The following IMPG1 variants were observed in gnomAD, a reference collection of about 807,000 sequenced individuals.
The protein encoded by IMPG1 is interphotoreceptor matrix proteoglycan of 150 kDa.
In IMPG1, 85 loss-of-function variants were observed where a neutral mutation model predicts 92.0. That is an observed-to-expected ratio of 0.92 (90% CI 0.78 to 1.11). IMPG1 has a LOEUF of 1.11. IMPG1 is among the 50% of genes least tolerant of loss of function. The pLI is 0.00. For synonymous variants in IMPG1, 367 were observed against 334.1 expected (o/e 1.10, Z -1.08); for missense variants, 1,022 against 956.0 (o/e 1.07, Z -0.91).
intron 5 of IMPG1, 79 bp downstream of exon 5, chr6:76,025,115 G>T: frequency 1.2e-6 from 1 of 818,452 alleles, no homozygotes; most frequent in Non-Finnish European, 2.1e-6. Flanking sequence ...TCTTTAATTA[G>T]GAATTGTTTT....
intron 13 of IMPG1, among the ~76,000 whole-genome samples, chr6:75,949,715 C>A (rs1781991551): frequency 1.3e-5 from 2 of 152,150 alleles, no homozygotes; most frequent in African/African-American, 4.8e-5. Context: ...CTCCCAATAT[C>A]TACTCACCTC....
chr6:76,056,538 G>T (rs903548679), intron 1 of IMPG1, among the ~76,000 whole-genome samples: 3 of 152,054 alleles, frequency 2.0e-5, no homozygotes, highest in Non-Finnish European at 4.4e-5. Flanking sequence ...CATTTTTTGG[G>T]CATGCACCCA....
intron 12 of IMPG1, among the ~76,000 whole-genome samples, chr6:75,989,929 T>C (rs887165040): frequency 6.6e-6 from 1 of 152,216 alleles, no homozygotes; most frequent in Non-Finnish European, 1.5e-5. Flanking sequence ...AGAGATAGAA[T>C]GTTAATTAGC....
At chr6:76,037,399 C>G (rs1020191871) in intron 2 of IMPG1, among the ~76,000 whole-genome samples, 1 of 152,170 alleles carries the variant, frequency 6.6e-6, no homozygotes, top group Admixed American at 6.5e-5. Flanking sequence ...GTTTCTCACA[C>G]TGGGGGAAAT....
At chr6:76,026,140 T>G (rs770668052) in intron 4 of IMPG1, among the ~76,000 whole-genome samples, 1 of 152,198 alleles carries the variant, frequency 6.6e-6, no homozygotes, top group Non-Finnish European at 1.5e-5. Flanking sequence ...GCAGGGACTC[T>G]GCGCTAGCAA....
chr6:76,006,450 G>T (rs1783100041), intron 9 of IMPG1, among the ~76,000 whole-genome samples: 1 of 94,622 alleles, frequency 1.1e-5, no homozygotes, highest in African/African-American at 3.1e-5. Flanking sequence ...CCATATATGG[G>T]TATGTGTGTA....
intron 12 of IMPG1, among the ~76,000 whole-genome samples, chr6:75,959,543 C>T (rs556728172): frequency 6.6e-6 from 1 of 152,268 alleles, no homozygotes; most frequent in South Asian, 2.1e-4. Flanking sequence ...GGGGCTGCTG[C>T]CTTTCTTTCA....
At chr6:75,980,939 G>A (rs1562357667) in intron 12 of IMPG1, among the ~76,000 whole-genome samples, 1 of 152,220 alleles carries the variant, frequency 6.6e-6, no homozygotes, top group Non-Finnish European at 1.5e-5. Context: ...CAGTAAGACT[G>A]AAGGTAAGGC....
intron 9 of IMPG1, among the ~76,000 whole-genome samples, chr6:76,006,491 C>T (rs1253840895): frequency 2.1e-5 from 3 of 141,340 alleles, no homozygotes; most frequent in Non-Finnish European, 4.6e-5. Context: ...TATATATACA[C>T]ACATATATAT....
rs914560350 is a variant in IMPG1 at position 75,921,930 on chromosome 6, A to G, written c.*159T>C. ...TCAGAATTTACTGGTTGCCAAGTAC[A>G]TGACTCTTCTATATTTGAAATATGG... is the stretch of plus-strand genomic sequence containing the variant. On this transcript the variant is annotated 3_prime_UTR_variant, in exon 17 of 17. Coordinates refer to ENST00000369950, the MANE Select transcript of IMPG1 (RefSeq NM_001563.4). The G allele has an allele frequency of 7.5e-6, 4 of 531,350 alleles. No individual in the cohort carries two copies. Among genetic ancestry groups the G allele is most frequent in the Non-Finnish European group, 1.3e-5 (4 of 296,686 alleles). The allele number at this position is 531,350 out of a possible 1,614,324, so 32.9% of individuals were successfully genotyped here.
intron 11 of IMPG1, among the ~76,000 whole-genome samples, chr6:76,003,492 C>T (rs1332604655): frequency 6.6e-6 from 1 of 152,016 alleles, no homozygotes; most frequent in African/African-American, 2.4e-5. Context: ...GTCATAAAAA[C>T]AAATTTATAA....
intron 14 of IMPG1, among the ~76,000 whole-genome samples, chr6:75,941,311 G>T (rs987456015): frequency 2.0e-5 from 3 of 152,134 alleles, no homozygotes; most frequent in African/African-American, 7.2e-5. Context: ...ATTGTTGATG[G>T]TTTAAGAAAA....
rs531221620 is a variant in IMPG1, at chr6:75,992,993, C to T, written c.1291+9925G>A. On this transcript the variant is annotated intron_variant, in intron 12 of 16. Coordinates refer to ENST00000369950, the MANE Select transcript of IMPG1 (RefSeq NM_001563.4). Reference sequence around the variant, plus strand: ...AGTAGTATTTATATTTTATACATAACATCTTACATTGTTCACTATTTCATA... The same window carrying T: ...AGTAGTATTTATATTTTATACATAATATCTTACATTGTTCACTATTTCATA... Among the ~76,000 whole-genome samples the T allele has an allele frequency of 4.6e-5, 7 of 152,240 alleles. No individual in the cohort carries two copies. In the South Asian group the frequency reaches 1.0e-3, roughly 23 times the overall value.
chr6:76,003,708 A>G (rs1351545493), intron 11 of IMPG1, among the ~76,000 whole-genome samples, 166 bp downstream of exon 11: 1 of 152,230 alleles, frequency 6.6e-6, no homozygotes, highest in African/African-American at 2.4e-5. Context: ...ATTAATACGG[A>G]TACTGAAAGT....
chr6:76,054,244 G>C (rs1784085474), intron 1 of IMPG1, among the ~76,000 whole-genome samples: 1 of 152,032 alleles, frequency 6.6e-6, no homozygotes. Context: ...CAGAGAGCCT[G>C]GCACATTGTT....
At chr6:75,948,614 AC>A (rs1781971192) in intron 13 of IMPG1, among the ~76,000 whole-genome samples, 1 of 152,310 alleles carries the variant, frequency 6.6e-6, no homozygotes, top group Non-Finnish European at 1.5e-5. Flanking sequence ...GACAGAACTT[AC>A]TTGACTAGCC....
At chr6:76,009,965 T>G (rs190194132) in intron 8 of IMPG1, among the ~76,000 whole-genome samples, 88 of 152,360 alleles carry the variant, frequency 5.8e-4, no homozygotes, top group African/African-American at 1.3e-3. Flanking sequence ...TTCTATCAAC[T>G]TTTATTTTTC....
At chr6:75,987,707 C>T (rs1229075863) in intron 12 of IMPG1, among the ~76,000 whole-genome samples, 1 of 150,140 alleles carries the variant, frequency 6.7e-6, no homozygotes, top group Non-Finnish European at 1.5e-5. Flanking sequence ...TGCAGTGGTG[C>T]GATCTCCGCT....
intron 12 of IMPG1, among the ~76,000 whole-genome samples, chr6:75,980,536 C>T (rs1582082935): frequency 6.6e-6 from 1 of 152,302 alleles, no homozygotes; most frequent in Middle Eastern, 3.4e-3. Context: ...GCCAGCGTGG[C>T]TAGGATAAAG....
Sources: allele counts gnomAD v4.1 joint callset (sites outside exome capture counted in the v4.1 genomes callset), GRCh38; gene constraint gnomAD v4.1.1; transcripts MANE v1.5; gene names NCBI Gene and HGNC (gene_info 2026-07-23, HGNC 2026-07-21).